Variants in ATE1 observed in about 807,000 individuals in gnomAD.
ATE1 encodes the protein arginyltransferase 1.
A neutral mutation model predicts 70.5 loss-of-function variants in ATE1; 36 were observed. That is an observed-to-expected ratio of 0.51 (90% CI 0.39 to 0.67). The LOEUF is 0.67. Ranked by LOEUF, ATE1 falls within the 30% of genes least tolerant of loss-of-function variation. The pLI, the probability that ATE1 is intolerant of heterozygous loss-of-function variation, is 0.00. For synonymous variants in ATE1, 232 were observed against 219.3 expected (o/e 1.06, Z -0.51); for missense variants, 593 against 629.5 (o/e 0.94, Z 0.62).
At chr10:121,820,300 C>T (rs1947742694) in intron 10 of ATE1, among the ~76,000 whole-genome samples, 1 of 152,024 alleles carries the variant, frequency 6.6e-6, no homozygotes, top group African/African-American at 2.4e-5. Context: ...GGGTAGAGAA[C>T]GTCTTTTTGA....
At chr10:121,784,335 CATCTT>C (rs1310015627) in intron 11 of ATE1, among the ~76,000 whole-genome samples, 35 of 152,278 alleles carry the variant, frequency 2.3e-4, no homozygotes, top group Non-Finnish European at 1.3e-4. Context: ...TATCTTAAGA[CATCTT>C]AGTTTTCACA....
intron 11 of ATE1, among the ~76,000 whole-genome samples, chr10:121,773,054 C>A (rs1309254909): frequency 6.6e-6 from 1 of 152,192 alleles, no homozygotes; most frequent in Non-Finnish European, 1.5e-5. Context: ...TTGCTTTTAT[C>A]TTTATTGGAC....
At chr10:121,814,755 T>C (rs1428854208) in intron 10 of ATE1, among the ~76,000 whole-genome samples, 1 of 152,150 alleles carries the variant, frequency 6.6e-6, no homozygotes, top group African/African-American at 2.4e-5. Context: ...CATTCTAACA[T>C]CACCAGCAAA....
intron 5 of ATE1, among the ~76,000 whole-genome samples, chr10:121,909,052 G>C (rs547012803): frequency 4.6e-5 from 7 of 152,292 alleles, no homozygotes; most frequent in African/African-American, 9.6e-5. Flanking sequence ...GCAGAGGCAC[G>C]ATCTCAGCTC....
At chr10:121,851,760 GAATT>G (rs1015483667) in intron 8 of ATE1, among the ~76,000 whole-genome samples, 2 of 152,154 alleles carry the variant, frequency 1.3e-5, no homozygotes, top group African/African-American at 4.8e-5. Context: ...ATATCTGAAA[GAATT>G]AATTAACTAA....
intron 8 of ATE1, among the ~76,000 whole-genome samples, chr10:121,868,286 CATATTAATTGCTTCT>C (rs1404544095): frequency 1.3e-5 from 2 of 152,144 alleles, no homozygotes; most frequent in Non-Finnish European, 2.9e-5. Context: ...AAAAGAAATT[CATATTAATTGCTTCT>C]AGAAGATCAT....
At chr10:121,796,796 G>C (rs1397940107) in intron 10 of ATE1, among the ~76,000 whole-genome samples, 1 of 152,114 alleles carries the variant, frequency 6.6e-6, no homozygotes, top group Non-Finnish European at 1.5e-5. Flanking sequence ...TATTAAAAAA[G>C]ACTGTGTCTT....
At chr10:121,909,530 A>G (rs141325269) in intron 5 of ATE1, among the ~76,000 whole-genome samples, 31 of 152,312 alleles carry the variant, frequency 2.0e-4, no homozygotes, top group African/African-American at 7.0e-4. Flanking sequence ...GGAAGGGGGA[A>G]CTAGATGAAA....
chr10:121,774,835 C>T (rs1945667640), intron 11 of ATE1, among the ~76,000 whole-genome samples: 2 of 1,254 alleles, frequency 1.6e-3, no homozygotes, highest in Middle Eastern at 0.5. Context: ...ATTAAATGAC[C>T]CCCCCCAAAA....
At chr10:121,854,797 C>T (rs11200191) in intron 8 of ATE1, among the ~76,000 whole-genome samples, 5 of 152,152 alleles carry the variant, frequency 3.3e-5, no homozygotes, top group Non-Finnish European at 5.9e-5. Flanking sequence ...GGCGAAAACT[C>T]GGGCTGCAGC....
intron 11 of ATE1, among the ~76,000 whole-genome samples, chr10:121,783,181 A>G (rs899111711): frequency 3.8e-5 from 3 of 78,880 alleles, no homozygotes; most frequent in African/African-American, 8.9e-5. Context: ...TGAAATTTTA[A>G]AAGTACAGTA....
chr10:121,924,235 T>C (rs191773031), intron 2 of ATE1, 31 bp downstream of exon 2: 18 of 1,600,526 alleles, frequency 1.1e-5, no homozygotes, highest in African/African-American at 1.1e-4. Context: ...TGAGTAACAG[T>C]AGGAAGTCTC....
At chr10:121,886,707 A>G (rs1249046931) in intron 7 of ATE1, among the ~76,000 whole-genome samples, 3 of 152,234 alleles carry the variant, frequency 2.0e-5, no homozygotes, top group African/African-American at 7.2e-5. Context: ...TTTTGTGACC[A>G]GAAATATGCT....
At chr10:121,858,703 ATATAT>A (rs1564902179) in intron 8 of ATE1, among the ~76,000 whole-genome samples, 2 of 83,488 alleles carry the variant, frequency 2.4e-5, no homozygotes, top group African/African-American at 1.0e-4. Context: ...TATTTTTTTA[ATATAT>A]TATATATATA....
At chr10:121,901,894 TGA>T (rs1950996341) in intron 6 of ATE1, among the ~76,000 whole-genome samples, 1 of 152,192 alleles carries the variant, frequency 6.6e-6, no homozygotes, top group Non-Finnish European at 1.5e-5. Context: ...TTGGCACTAA[TGA>T]GAGAGGATTT....
intron 10 of ATE1, among the ~76,000 whole-genome samples, chr10:121,820,127 G>A (rs1947734787): frequency 6.6e-6 from 1 of 151,978 alleles, no homozygotes; most frequent in South Asian, 2.1e-4. Flanking sequence ...GGGTGACAGA[G>A]TAAGACTCTG....
At chr10:121,767,474 T>C (rs1945323903) in intron 11 of ATE1, among the ~76,000 whole-genome samples, 1 of 132,124 alleles carries the variant, frequency 7.6e-6, no homozygotes, top group Non-Finnish European at 1.6e-5. Flanking sequence ...GATGACATGA[T>C]ATTCTATGTA....
chr10:121,805,191 T>G (rs1373907522), intron 10 of ATE1, among the ~76,000 whole-genome samples: 4 of 152,184 alleles, frequency 2.6e-5, no homozygotes, highest in African/African-American at 9.7e-5. Flanking sequence ...GCTGTAATTG[T>G]AGGGCATATA....
At chr10:121,808,482 A>G (rs1427035650) in intron 10 of ATE1, among the ~76,000 whole-genome samples, 1 of 152,192 alleles carries the variant, frequency 6.6e-6, no homozygotes, top group Non-Finnish European at 1.5e-5. Context: ...ATAGCTCGTG[A>G]TTTAACTCTT....
Sources: allele counts gnomAD v4.1 joint callset (sites outside exome capture counted in the v4.1 genomes callset), GRCh38; gene constraint gnomAD v4.1.1; transcripts MANE v1.5; gene names NCBI Gene and HGNC (gene_info 2026-07-23, HGNC 2026-07-21).